SERPINI1: variants seen among roughly 807,000 people sequenced by gnomAD.
SERPINI1 encodes the protein serpin family I member 1.
Under a neutral mutation model 41.1 loss-of-function variants are expected in SERPINI1, and 19 were observed. That is an observed-to-expected ratio of 0.46 (90% CI 0.32 to 0.68). The LOEUF is 0.68. Ranked by LOEUF, SERPINI1 falls within the 30% of genes least tolerant of loss-of-function variation. The probability of loss-of-function intolerance (pLI) is 0.03; values close to 1 mark genes in which losing one functional copy is unlikely to be tolerated. For synonymous variants in SERPINI1, 138 were observed against 156.6 expected (o/e 0.88, Z 0.89); for missense variants, 460 against 479.2 (o/e 0.96, Z 0.37).
intron 1 of SERPINI1, among the ~76,000 whole-genome samples, chr3:167,740,710 G>A (rs569534154): frequency 6.0e-4 from 92 of 152,284 alleles, no homozygotes; most frequent in African/African-American, 2.1e-3. Context: ...AAACTTGCGC[G>A]CGCGCTTGTG....
At chr3:167,764,386 G>A (rs184529825) in intron 1 of SERPINI1, among the ~76,000 whole-genome samples, 1 of 152,272 alleles carries the variant, frequency 6.6e-6, no homozygotes, top group Admixed American at 6.5e-5. Context: ...TATCTTACAT[G>A]GATGGCAGCA....
At chr3:167,772,893 TACACACACACACACACAC>T (rs71176658) in intron 1 of SERPINI1, among the ~76,000 whole-genome samples, 1 of 52,252 alleles carries the variant, frequency 1.9e-5, no homozygotes, top group African/African-American at 9.2e-5. Context: ...TATATATATA[TACACACACACACACACAC>T]ACACACACAC....
At chr3:167,751,808 G>A (rs182340150) in intron 1 of SERPINI1, among the ~76,000 whole-genome samples, 14 of 152,040 alleles carry the variant, frequency 9.2e-5, no homozygotes, top group African/African-American at 3.4e-4. Context: ...CAATATTAGT[G>A]ATTCTCCTTC....
chr3:167,770,704 A>G (rs528364659), intron 1 of SERPINI1, among the ~76,000 whole-genome samples: 47 of 152,266 alleles, frequency 3.1e-4, no homozygotes, highest in Non-Finnish European at 5.1e-4. Flanking sequence ...TTTTTCCACA[A>G]TTGTCTCAAT....
intron 5 of SERPINI1, among the ~76,000 whole-genome samples, chr3:167,795,062 A>G (rs927858229): frequency 6.6e-6 from 1 of 151,850 alleles, no homozygotes; most frequent in African/African-American, 2.4e-5. Context: ...ACACATGCTC[A>G]CTTATTGGTT....
intron 1 of SERPINI1, among the ~76,000 whole-genome samples, chr3:167,772,966 G>GTGTATATATATGTATATATA (rs71176659): frequency 1.5e-5 from 2 of 133,630 alleles, no homozygotes; most frequent in Non-Finnish European, 3.1e-5. Flanking sequence ...ATGTATATGT[G>GTGTATATATATGTATATATA]TGTATATATA....
chr3:167,753,264 C>T (rs770359033), intron 1 of SERPINI1, among the ~76,000 whole-genome samples: 3 of 152,080 alleles, frequency 2.0e-5, no homozygotes, highest in Admixed American at 6.5e-5. Context: ...AGATTGTAAG[C>T]TTTCTCAAAG....
chr3:167,816,556 G>A (rs1712095898), intron 6 of SERPINI1, among the ~76,000 whole-genome samples: 1 of 152,112 alleles, frequency 6.6e-6, no homozygotes, highest in African/African-American at 2.4e-5. Flanking sequence ...CCCTCTACTA[G>A]GGTTAGCTCA....
At position 167,794,761 on chromosome 3, in the gene SERPINI1, C is replaced by T. The variant is rs2108559943; in HGVS notation, c.818C>T (p.Ala273Val). ...GCTACTCTGGAGCCATTAGTCAAAG[C>T]ACAGCTGGTTGAAGAATGGGCAAAC... is the stretch of plus-strand genomic sequence containing the variant. ...PLATLEPLVK[A>V]QLVEEWANSV... is the part of the protein sequence containing the mutation. The change falls in exon 5 of 9, where the codon GCA becomes GTA. Residue 273 changes from alanine to valine, a missense_variant. Ala to Val is a moderately conservative substitution (Grantham distance 64). Transcript: ENST00000446050. The T allele has an allele frequency of 6.2e-7, 1 of 1,613,634 alleles. No individual in the cohort carries two copies. The highest frequency in any genetic ancestry group is 1.1e-5 in the South Asian group (1 of 91,052).
Position 167,822,906 on chromosome 3 carries a change from C to G in SERPINI1, c.980-80C>G, listed in dbSNP as rs979192869. On this transcript the variant is annotated intron_variant, in intron 6 of 8. Transcript: ENST00000446050. ...TTCAGTATCCCAGTCTCTTAGATCT[C>G]TAAAATCCATTTAACAAAAGGGCAA... 8.8e-6 allele frequency: 7 copies of G among 797,772 alleles called. No homozygotes were observed. In the African/African-American group the frequency reaches 1.2e-4, roughly 14 times the overall value. The allele number at this position is 797,772 out of a possible 1,614,324, so 49.4% of individuals were successfully genotyped here.
intron 1 of SERPINI1, among the ~76,000 whole-genome samples, chr3:167,767,651 A>G (rs1354626698): frequency 2.0e-5 from 3 of 152,170 alleles, no homozygotes; most frequent in Non-Finnish European, 4.4e-5. Flanking sequence ...TCTTTTTTGT[A>G]AAGAAAATTT....
intron 6 of SERPINI1, among the ~76,000 whole-genome samples, chr3:167,822,232 T>G (rs897162698): frequency 2.0e-5 from 3 of 152,336 alleles, no homozygotes; most frequent in African/African-American, 7.2e-5. Context: ...CCCACCCTAA[T>G]GACCTCATTT....
chr3:167,825,158 C>A, intron 8 of SERPINI1, 89 bp from the exon 9 acceptor site: 1 of 879,618 alleles, frequency 1.1e-6, no homozygotes, highest in Non-Finnish European at 2.0e-6. Flanking sequence ...GAGAAAATAA[C>A]ATATTTTCAT....
intron 1 of SERPINI1, among the ~76,000 whole-genome samples, chr3:167,778,664 G>C (rs888552736): frequency 2.0e-5 from 3 of 152,196 alleles, no homozygotes; most frequent in Non-Finnish European, 4.4e-5. Context: ...AATTAGGAAA[G>C]TTTCAAATCT....
chr3:167,798,209 A>G (rs932424937), intron 5 of SERPINI1, among the ~76,000 whole-genome samples: 1 of 152,168 alleles, frequency 6.6e-6, no homozygotes, highest in Non-Finnish European at 1.5e-5. Flanking sequence ...TTAAATTTTC[A>G]TTTCCTAAGA....
chr3:167,770,002 T>A (rs1726693444), intron 1 of SERPINI1, among the ~76,000 whole-genome samples: 1 of 149,778 alleles, frequency 6.7e-6, no homozygotes, highest in South Asian at 2.1e-4. Flanking sequence ...CTGTGGATTA[T>A]TTTTATTTTA....
chr3:167,819,916 G>A lies in SERPINI1; in HGVS notation c.980-3070G>A, dbSNP rs571221927. 5.9e-5 allele frequency among the ~76,000 whole-genome samples: 9 copies of A among 152,280 alleles called. No individual in the cohort carries two copies. The South Asian group carries it at 1.7e-3, about 28-fold the overall frequency. On this transcript the variant is annotated intron_variant, in intron 6 of 8. Coordinates refer to ENST00000446050, the MANE Select transcript of SERPINI1 (RefSeq NM_001122752.2). Reference sequence around the variant, plus strand: ...GAGTAATTCTTTTTCTTACTCTCCTGTGCTCTTTCGAAAAATGTATTTGAG... The same window carrying A: ...GAGTAATTCTTTTTCTTACTCTCCTATGCTCTTTCGAAAAATGTATTTGAG...
rs188841662 is a variant in SERPINI1, at chr3:167,769,501, T to C, written c.-18-19610T>C. On this transcript the variant is annotated intron_variant, in intron 1 of 8. Transcript: ENST00000446050. The stretch of plus-strand genomic sequence containing the variant: ...TTAAAGATCTTAAAGTTTGTGCTTA[T>C]TCTAGTTTATCAGATGCATTCTGGA... Among the ~76,000 whole-genome samples, 320 of 152,360 alleles carry C rather than the reference T, an allele frequency of 2.1e-3. 1 individual carries two copies. The highest frequency in any genetic ancestry group is 4.0e-3 in the Admixed American group (61 of 15,306).
intron 1 of SERPINI1, among the ~76,000 whole-genome samples, chr3:167,745,296 T>G (rs973071742): frequency 6.6e-6 from 1 of 151,932 alleles, no homozygotes; most frequent in Non-Finnish European, 1.5e-5. Context: ...ACATACTATA[T>G]CAATGAAATA....
Sources: allele counts gnomAD v4.1 joint callset (sites outside exome capture counted in the v4.1 genomes callset), GRCh38; gene constraint gnomAD v4.1.1; transcripts MANE v1.5; gene names NCBI Gene and HGNC (gene_info 2026-07-23, HGNC 2026-07-21).